Variants in CSMD1 observed in about 807,000 individuals in gnomAD.
CSMD1 encodes CUB and Sushi multiple domains 1, also known as CUB and sushi domain-containing protein 1.
CSMD1 carries 213 observed loss-of-function variants against 417.5 expected under a neutral mutation model. The observed-to-expected ratio is 0.51, with a 90% CI of 0.46 to 0.57. The LOEUF is 0.57. CSMD1 is among the 20% of genes least tolerant of loss of function. The probability of loss-of-function intolerance (pLI) is 0.00; values close to 1 mark genes in which losing one functional copy is unlikely to be tolerated. For synonymous variants in CSMD1, 2,862 were observed against 1,736.8 expected, an observed-to-expected ratio of 1.65 and a Z score of -16.11; for missense variants, 6,923 against 4,529.7, an observed-to-expected ratio of 1.53 and a Z score of -15.17.
intron 52 of CSMD1, among the ~76,000 whole-genome samples, chr8:3,003,819 G>C (rs1225912489): frequency 3.9e-5 from 6 of 152,166 alleles, no homozygotes; most frequent in African/African-American, 1.4e-4. Context: ...GCGCTTGTTA[G>C]CCAGGAAAAG....
At chr8:4,953,382 T>G (rs1808877161) in intron 1 of CSMD1, among the ~76,000 whole-genome samples, 1 of 152,140 alleles carries the variant, frequency 6.6e-6, no homozygotes. Context: ...GGAAGGACTA[T>G]GCGATCAACA....
chr8:4,032,985 G>C (rs145317407), intron 3 of CSMD1, among the ~76,000 whole-genome samples: 59 of 152,140 alleles, frequency 3.9e-4, no homozygotes, highest in African/African-American at 1.3e-3. Flanking sequence ...CTGACAATCT[G>C]TTTGCGGAAG....
chr8:3,289,900 C>A (rs1803424999), intron 25 of CSMD1, among the ~76,000 whole-genome samples: 1 of 147,448 alleles, frequency 6.8e-6, no homozygotes, highest in African/African-American at 2.7e-5. Context: ...AAGTCCTTAC[C>A]CATGCCTGTG....
chr8:4,074,455 T>G (rs979237546), intron 3 of CSMD1, among the ~76,000 whole-genome samples: 1 of 152,142 alleles, frequency 6.6e-6, no homozygotes, highest in Non-Finnish European at 1.5e-5. Flanking sequence ...AGAGAAGCAT[T>G]TGTCCATAAA....
At chr8:4,496,731 A>G (rs1327887529) in intron 2 of CSMD1, among the ~76,000 whole-genome samples, 1 of 152,116 alleles carries the variant, frequency 6.6e-6, no homozygotes, top group Admixed American at 6.5e-5. Flanking sequence ...AAATGAGTAA[A>G]AAGCTACTTG....
rs150176719 is a variant in CSMD1 at position 3,377,167 on chromosome 8, C to T, written c.2783-7797G>A. On this transcript the variant is annotated intron_variant, in intron 18 of 69. Transcript: ENST00000635120. The stretch of plus-strand genomic sequence containing the variant: ...GGGACTATAGGCACATGCCAATACC[C>T]CCAGCTAATTTTTGTGTTTTTTTGT... 1.1e-3 allele frequency among the ~76,000 whole-genome samples: 170 copies of T among 152,228 alleles called. 1 individual carries two copies. The highest frequency in any genetic ancestry group is 4.0e-3 in the African/African-American group (165 of 41,552).
intron 23 of CSMD1, among the ~76,000 whole-genome samples, chr8:3,322,057 T>A (rs541966875): frequency 7.9e-5 from 12 of 152,330 alleles, no homozygotes; most frequent in African/African-American, 2.9e-4. Flanking sequence ...ATAATAAACA[T>A]TTCCATGGAT....
chr8:4,657,561 A>G (rs1235949631), intron 1 of CSMD1, among the ~76,000 whole-genome samples: 2 of 152,186 alleles, frequency 1.3e-5, no homozygotes, highest in East Asian at 3.9e-4. Context: ...ATTGTTTTTA[A>G]AAGTATTTAA....
chr8:4,880,006 G>A (rs1803293321), intron 1 of CSMD1, among the ~76,000 whole-genome samples: 1 of 151,964 alleles, frequency 6.6e-6, no homozygotes, highest in Non-Finnish European at 1.5e-5. Flanking sequence ...ATCATCCATT[G>A]GCTGATTTAT....
chr8:2,994,980 C>T (rs1048044276), intron 54 of CSMD1, among the ~76,000 whole-genome samples: 4 of 152,144 alleles, frequency 2.6e-5, no homozygotes, highest in Middle Eastern at 3.2e-3. Context: ...AATAGAGGAA[C>T]ACTTCAAGAT....
At chr8:4,211,159 C>T (rs898469323) in intron 3 of CSMD1, among the ~76,000 whole-genome samples, 150 of 151,318 alleles carry the variant, frequency 9.9e-4, no homozygotes, top group African/African-American at 3.4e-3. Context: ...ATAATTTATC[C>T]AGGAAAAACA....
intron 3 of CSMD1, among the ~76,000 whole-genome samples, chr8:4,412,826 T>G (rs1307619712): frequency 6.6e-6 from 1 of 152,176 alleles, no homozygotes; most frequent in Non-Finnish European, 1.5e-5. Context: ...GGCCTGTATG[T>G]GAAACCAAAT....
intron 2 of CSMD1, among the ~76,000 whole-genome samples, chr8:4,451,184 C>T (rs1799122655): frequency 6.6e-6 from 1 of 151,892 alleles, no homozygotes; most frequent in African/African-American, 2.4e-5. Flanking sequence ...ATAAAAATAA[C>T]CAAGTGTGAT....
intron 54 of CSMD1, among the ~76,000 whole-genome samples, chr8:2,987,822 T>C (rs1374074587): frequency 1.3e-5 from 2 of 152,190 alleles, no homozygotes; most frequent in African/African-American, 4.8e-5. Context: ...AACCTCCTGC[T>C]CTTGACAAGC....
At chr8:3,964,289 G>A (rs1213654223) in intron 5 of CSMD1, among the ~76,000 whole-genome samples, 1 of 152,126 alleles carries the variant, frequency 6.6e-6, no homozygotes, top group Non-Finnish European at 1.5e-5. Flanking sequence ...GGCTGCTTTA[G>A]GGAGCGTTCC....
chr8:3,877,347 C>T (rs772316353), intron 5 of CSMD1, among the ~76,000 whole-genome samples: 17 of 152,194 alleles, frequency 1.1e-4, no homozygotes, highest in Non-Finnish European at 2.4e-4. Flanking sequence ...ATGGGGGAGG[C>T]ATGTGCTCTT....
intron 2 of CSMD1, among the ~76,000 whole-genome samples, chr8:4,551,097 G>A (rs552137152): frequency 6.6e-6 from 1 of 152,270 alleles, no homozygotes; most frequent in East Asian, 1.9e-4. Context: ...AAAATAAAAT[G>A]TGGTTATAAT....
At chr8:4,025,504 A>G (rs888248334) in intron 4 of CSMD1, among the ~76,000 whole-genome samples, 2 of 152,228 alleles carry the variant, frequency 1.3e-5, no homozygotes, top group South Asian at 2.1e-4. Flanking sequence ...AGGCAAAAGC[A>G]TTTTTCATTG....
intron 5 of CSMD1, among the ~76,000 whole-genome samples, chr8:3,971,237 G>A (rs185201726): frequency 4.6e-5 from 7 of 152,162 alleles, no homozygotes; most frequent in Admixed American, 1.3e-4. Context: ...CAGACCATGC[G>A]CACTTCTGCC....
Sources: gnomAD v4.1 joint callset for allele counts (sites outside exome capture counted in the v4.1 genomes callset) on GRCh38, gnomAD v4.1.1 for gene constraint, MANE v1.5 for transcripts, NCBI Gene and HGNC (gene_info 2026-07-23, HGNC 2026-07-21) for gene names.